The following CSGALNACT1 variants were observed in gnomAD, a reference collection of about 807,000 sequenced individuals.
The protein encoded by CSGALNACT1 is beta4GalNAcT-1.
Under a neutral mutation model 51.0 loss-of-function variants are expected in CSGALNACT1, and 52 were observed. The observed-to-expected ratio is 1.02, with a 90% confidence interval of 0.82 to 1.29. The LOEUF (loss-of-function observed/expected upper bound fraction) is 1.29, where lower values mean the gene tolerates loss of function less well. Among genes scored for constraint, CSGALNACT1 ranks in the 50% most tolerant of loss-of-function variants. The pLI is 0.00. For missense variants in CSGALNACT1, 935 were observed against 679.2 expected, an observed-to-expected ratio of 1.38 and a Z score of -4.19; for synonymous variants, 341 against 254.4, an observed-to-expected ratio of 1.34 and a Z score of -3.24.
chr8:19,542,683 C>G (rs1349731583), intron 3 of CSGALNACT1, among the ~76,000 whole-genome samples: 1 of 152,140 alleles, frequency 6.6e-6, no homozygotes, highest in Non-Finnish European at 1.5e-5. Flanking sequence ...GCCACTTCTG[C>G]CAGCCATCTC....
intron 3 of CSGALNACT1, among the ~76,000 whole-genome samples, chr8:19,581,872 G>A (rs1398750747): frequency 6.6e-6 from 1 of 152,140 alleles, no homozygotes; most frequent in Non-Finnish European, 1.5e-5. Context: ...TTTTTAAATG[G>A]TGAGCTCACT....
chr8:19,518,320 G>A (rs759764499), intron 3 of CSGALNACT1, among the ~76,000 whole-genome samples: 6 of 152,162 alleles, frequency 3.9e-5, no homozygotes, highest in Non-Finnish European at 8.8e-5. Flanking sequence ...ATTAACAGCA[G>A]GAACTAAGGA....
intron 1 of CSGALNACT1, among the ~76,000 whole-genome samples, chr8:19,657,284 G>GAAAGATAAACTA (rs2058367691): frequency 6.6e-6 from 1 of 151,048 alleles, no homozygotes; most frequent in Non-Finnish European, 1.5e-5. Flanking sequence ...AAGATAAACT[G>GAAAGATAAACTA]AAAGATAAAC....
At position 19,636,327 on chromosome 8, in the gene CSGALNACT1, C is replaced by CA. The variant is rs202193390; in HGVS notation, c.-543-34463dup. Among the ~76,000 whole-genome samples the CA allele has an allele frequency of 5.4e-3, 819 of 151,798 alleles. 18 individuals are homozygous for CA. Among genetic ancestry groups the CA allele is most frequent in the Admixed American group, 0.037 (567 of 15,258 alleles). On this transcript the variant is annotated intron_variant, in intron 1 of 9. Coordinates refer to the CSGALNACT1 transcript ENST00000332246. ...ACTTTATCATAGATAAGTATATATTCAAAAAAACACTATAATATATATTAG... is the reference window on the plus strand; with the variant it reads ...ACTTTATCATAGATAAGTATATATTCAAAAAAAACACTATAATATATATTAG...
At position 19,484,982 on chromosome 8, in the gene CSGALNACT1, C is replaced by A. The variant is rs569659859; in HGVS notation, c.634+20219G>T. ...CCAAGGAGAGAGCCCTCCGAAAAAA[C>A]CAGACCTGCTGGCACTTTCACCTTG... On this transcript the variant is annotated intron_variant, in intron 4 of 9. Coordinates refer to ENST00000454498, the Ensembl canonical transcript of CSGALNACT1. Among the ~76,000 whole-genome samples, 3 of 152,198 alleles carry A rather than the reference C, an allele frequency of 2.0e-5. No individual in the cohort carries two copies. In the East Asian group the frequency reaches 5.8e-4, roughly 29 times the overall value.
At chr8:19,509,335 G>A (rs540266234) in intron 3 of CSGALNACT1, among the ~76,000 whole-genome samples, 25 of 152,174 alleles carry the variant, frequency 1.6e-4, no homozygotes, top group African/African-American at 6.0e-4. Flanking sequence ...AAAAGTGGGT[G>A]TTGGCCGGGC....
exon 10 of CSGALNACT1, chr8:19,404,527 C>T (rs2153654806): frequency 2.2e-6 from 1 of 453,894 alleles, no homozygotes. Flanking sequence ...AATTCAGTTA[C>T]TTCCACCTGG....
At chr8:19,723,829 T>C (rs910438606) in intron 1 of CSGALNACT1, among the ~76,000 whole-genome samples, 1 of 152,188 alleles carries the variant, frequency 6.6e-6, no homozygotes, top group African/African-American at 2.4e-5. Context: ...TGGTCCCAAA[T>C]TCAAATGAAA....
chr8:19,581,377 A>C (rs1242579064), intron 3 of CSGALNACT1, among the ~76,000 whole-genome samples: 1 of 152,246 alleles, frequency 6.6e-6, no homozygotes, highest in Non-Finnish European at 1.5e-5. Flanking sequence ...AGTAAAACTA[A>C]GGATAAAGTT....
intron 1 of CSGALNACT1, among the ~76,000 whole-genome samples, chr8:19,633,492 C>A (rs895614230): frequency 1.3e-5 from 2 of 152,146 alleles, no homozygotes; most frequent in African/African-American, 4.8e-5. Context: ...CAAGGTTATA[C>A]TGAGATAGGG....
At chr8:19,455,648 T>C (rs2063941594) in intron 5 of CSGALNACT1, among the ~76,000 whole-genome samples, 1 of 152,196 alleles carries the variant, frequency 6.6e-6, no homozygotes, top group Admixed American at 6.5e-5. Context: ...CACAGGTATT[T>C]ACCCTCTCGC....
intron 3 of CSGALNACT1, among the ~76,000 whole-genome samples, chr8:19,539,639 G>T (rs1397429015): frequency 6.6e-6 from 1 of 152,164 alleles, no homozygotes; most frequent in Non-Finnish European, 1.5e-5. Flanking sequence ...AAAGGAGGTG[G>T]CAGTCCTACT....
At chr8:19,686,344 C>G (rs1344153279), upstream of CSGALNACT1, among the ~76,000 whole-genome samples, 3 of 152,206 alleles carry the variant, frequency 2.0e-5, no homozygotes, top group Non-Finnish European at 4.4e-5. Flanking sequence ...CTCACTCTCA[C>G]TTTATCTATA....
At chr8:19,505,700 C>A in exon 4 of CSGALNACT1, 1 of 1,614,218 alleles carries the variant, frequency 6.2e-7, no homozygotes, top group South Asian at 1.1e-5. Flanking sequence ...TGGCCCTGGG[C>A]AGTGCCAGCT....
At chr8:19,630,745 G>A (rs1217903769) in intron 1 of CSGALNACT1, among the ~76,000 whole-genome samples, 1 of 152,090 alleles carries the variant, frequency 6.6e-6, no homozygotes, top group South Asian at 2.1e-4. Context: ...TTTCAGACTG[G>A]CTTCTTTCAC....
At position 19,484,212 on chromosome 8, in the gene CSGALNACT1, A is replaced by T. The variant is rs551557843; in HGVS notation, c.634+20989T>A. Among the ~76,000 whole-genome samples the T allele has an allele frequency of 6.3e-4, 72 of 114,546 alleles. No individual in the cohort carries two copies. In the South Asian group the frequency reaches 0.019, roughly 30 times the overall value. The allele number at this position is 114,546 out of a possible 152,430, so 75.1% of individuals were successfully genotyped here. A position where few individuals can be genotyped will look rare whatever the true frequency, so the allele number is the denominator to read the frequency against. Reference sequence around the variant, plus strand: ...GTGATATAGCAATTCAGATACACCAAAGAGAAGCCATAAAGAGCTTCCTCT... The same window carrying T: ...GTGATATAGCAATTCAGATACACCATAGAGAAGCCATAAAGAGCTTCCTCT... On this transcript the variant is annotated intron_variant, in intron 4 of 9. Transcript: ENST00000454498.
chr8:19,445,933 G>A (rs187744502), intron 5 of CSGALNACT1, among the ~76,000 whole-genome samples: 2 of 152,314 alleles, frequency 1.3e-5, no homozygotes, highest in East Asian at 3.9e-4. Context: ...TCAGCACTTT[G>A]AGAGGCCGAG....
intron 1 of CSGALNACT1, among the ~76,000 whole-genome samples, chr8:19,654,160 GAGTC>G (rs1250836744): frequency 6.6e-6 from 1 of 152,166 alleles, no homozygotes; most frequent in Non-Finnish European, 1.5e-5. Context: ...ACATCGATGT[GAGTC>G]AGTAAGTCAG....
intron 4 of CSGALNACT1, among the ~76,000 whole-genome samples, chr8:19,481,079 A>G (rs909058801): frequency 1.3e-5 from 2 of 152,148 alleles, no homozygotes; most frequent in African/African-American, 4.8e-5. Context: ...TCTTTTTCCA[A>G]GTTTTAAAGG....
Sources: gnomAD v4.1 joint callset for allele counts (sites outside exome capture counted in the v4.1 genomes callset) on GRCh38, gnomAD v4.1.1 for gene constraint, MANE v1.5 for transcripts, NCBI Gene and HGNC (gene_info 2026-07-23, HGNC 2026-07-21) for gene names.